The following SUMF1 variants were observed in gnomAD, a reference collection of about 807,000 sequenced individuals.
SUMF1 encodes the protein sulfatase modifying factor 1.
A neutral mutation model predicts 47.6 loss-of-function variants in SUMF1; 48 were observed. That is an observed-to-expected ratio of 1.01 (90% CI 0.80 to 1.28). SUMF1 has a LOEUF of 1.28. Among genes scored for constraint, SUMF1 ranks in the 50% most tolerant of loss-of-function variants. SUMF1 has a pLI of 0.00. For missense variants in SUMF1, 571 were observed against 485.4 expected, an observed-to-expected ratio of 1.18 and a Z score of -1.66; for synonymous variants, 230 against 192.1, an observed-to-expected ratio of 1.20 and a Z score of -1.63.
At chr3:4,176,545 A>G (rs1694968935) in intron 8 of SUMF1, among the ~76,000 whole-genome samples, 1 of 152,224 alleles carries the variant, frequency 6.6e-6, no homozygotes, top group African/African-American at 2.4e-5. Flanking sequence ...GAAGCACTAA[A>G]CATGGAAAGG....
At position 4,221,170 on chromosome 3, in the gene SUMF1, A is replaced by C. The variant is rs191042244; in HGVS notation, c.1015-152425T>G. On this transcript the variant is annotated intron_variant and NMD_transcript_variant, in intron 8 of 12. Coordinates refer to the SUMF1 transcript ENST00000448413. Reference sequence around the variant, plus strand: ...CTATAAATAATTTTCCACCTCTTTCATCCTCCTACCATTACACTCACCAAG... The same window carrying C: ...CTATAAATAATTTTCCACCTCTTTCCTCCTCCTACCATTACACTCACCAAG... 8.9e-3 allele frequency among the ~76,000 whole-genome samples: 1,354 copies of C among 152,160 alleles called. 13 individuals carry two copies. Among genetic ancestry groups the C allele is most frequent in the Non-Finnish European group, 0.012 (846 of 67,990 alleles).
At chr3:4,212,267 A>G (rs1027826888) in intron 8 of SUMF1, among the ~76,000 whole-genome samples, 1 of 152,162 alleles carries the variant, frequency 6.6e-6, no homozygotes, top group Non-Finnish European at 1.5e-5. Flanking sequence ...TGCAGCCTCC[A>G]CTGGTGATAC....
chr3:4,335,968 A>ACAAAAAACAAAC (rs1553558762), intron 8 of SUMF1, among the ~76,000 whole-genome samples: 1 of 146,926 alleles, frequency 6.8e-6, no homozygotes, highest in African/African-American at 2.5e-5. Flanking sequence ...CTCAAAAAAA[A>ACAAAAAACAAAC]AAAAAAAAAA....
At chr3:4,234,628 A>G (rs946132152) in intron 8 of SUMF1, among the ~76,000 whole-genome samples, 4 of 152,156 alleles carry the variant, frequency 2.6e-5, no homozygotes, top group African/African-American at 9.7e-5. Flanking sequence ...CTCCAAAAGA[A>G]GAAGTAAAAA....
intron 8 of SUMF1, among the ~76,000 whole-genome samples, chr3:4,076,991 G>A (rs544045256): frequency 7.9e-5 from 12 of 151,988 alleles, no homozygotes; most frequent in South Asian, 4.2e-4. Context: ...GCAACAGAGC[G>A]AGACTCCATC....
intron 8 of SUMF1, among the ~76,000 whole-genome samples, chr3:4,227,064 C>A (rs1696190062): frequency 6.6e-6 from 1 of 152,116 alleles, no homozygotes; most frequent in Non-Finnish European, 1.5e-5. Context: ...AGACACTACA[C>A]TCAAACAACC....
rs555864559 is a variant in SUMF1, at chr3:4,396,967, A to G, written c.954+13898T>C. On this transcript the variant is annotated intron_variant, in intron 7 of 8. Transcript: ENST00000272902. ...ACACAGAAGAAGCAACTATTAAGAG[A>G]AAACACATATCACATTAGATTTCTG... Among the ~76,000 whole-genome samples, 4 of 152,390 alleles carry G rather than the reference A, an allele frequency of 2.6e-5. No homozygotes were observed. The South Asian group carries it at 8.3e-4, about 32-fold the overall frequency.
rs1045841520 is a variant in SUMF1 at position 4,295,243 on chromosome 3, G to A, written c.1014+81087C>T. ...CAGGGGCCTATATAGTTGCAGGAACGTTGCATTATAAGAAGCAGAAAATTA... is the reference window on the plus strand; with the variant it reads ...CAGGGGCCTATATAGTTGCAGGAACATTGCATTATAAGAAGCAGAAAATTA... On this transcript the variant is annotated intron_variant and NMD_transcript_variant, in intron 8 of 12. Transcript: ENST00000448413. 7.9e-5 allele frequency among the ~76,000 whole-genome samples: 12 copies of A among 151,942 alleles called. No individual in the cohort carries two copies. In the East Asian group the frequency reaches 2.1e-3, roughly 27 times the overall value.
intron 3 of SUMF1, among the ~76,000 whole-genome samples, chr3:4,442,252 G>T (rs894730275): frequency 3.6e-5 from 5 of 140,242 alleles, no homozygotes; most frequent in African/African-American, 5.1e-5. Context: ...TGTGCACCAT[G>T]AACTCTTTTT....
intron 8 of SUMF1, among the ~76,000 whole-genome samples, chr3:4,190,801 G>C (rs1372190089): frequency 6.6e-6 from 1 of 152,030 alleles, no homozygotes; most frequent in Non-Finnish European, 1.5e-5. Context: ...TGCTTTCAGG[G>C]AGTTCACAGC....
chr3:4,114,698 G>A (rs897522178), intron 8 of SUMF1, among the ~76,000 whole-genome samples: 4 of 152,090 alleles, frequency 2.6e-5, no homozygotes, highest in Non-Finnish European at 5.9e-5. Flanking sequence ...ACACTGGGGA[G>A]TATGTTTAGC....
In SUMF1 at chr3:4,224,971, T is replaced by G. The variant is rs550480689; in HGVS notation, c.1014+151359A>C. Among the ~76,000 whole-genome samples the G allele has an allele frequency of 2.0e-5, 3 of 152,190 alleles. No individual in the cohort carries two copies. The South Asian group carries it at 6.2e-4, about 32-fold the overall frequency. ...ATCAACTCATTTTTTCTTAAGCTAG[T>G]TCAAATTGGGTTTGTCTTGGACAAT... is the stretch of plus-strand genomic sequence containing the variant. On this transcript the variant is annotated intron_variant and NMD_transcript_variant, in intron 8 of 12. Coordinates refer to the SUMF1 transcript ENST00000448413.
At chr3:4,207,561 C>G (rs181423669) in intron 8 of SUMF1, among the ~76,000 whole-genome samples, 10 of 152,150 alleles carry the variant, frequency 6.6e-5, no homozygotes, top group African/African-American at 2.2e-4. Context: ...CTATTGAGAT[C>G]ATTATATGGA....
chr3:4,243,399 A>G (rs1696589227), intron 8 of SUMF1, among the ~76,000 whole-genome samples: 1 of 152,206 alleles, frequency 6.6e-6, no homozygotes, highest in Non-Finnish European at 1.5e-5. Context: ...GTGGGCATTT[A>G]GTGCTATAAA....
chr3:4,417,252 G>T lies in SUMF1; in HGVS notation c.726-10C>A. 6.2e-7 allele frequency: 1 copy of T among 1,612,710 alleles called. No individual in the cohort carries two copies. The highest frequency in any genetic ancestry group is 1.1e-5 in the South Asian group (1 of 91,046). The stretch of plus-strand genomic sequence containing the variant: ...GCCCCAGGGGAAAAGTCTGTCAGAA[G>T]AGACACAGGCATCAGCCTGTCAAAC... On this transcript the variant is annotated splice_polypyrimidine_tract_variant and intron_variant, in intron 5 of 8. Transcript: ENST00000272902.
chr3:4,079,957 C>T (rs541496347), intron 8 of SUMF1, among the ~76,000 whole-genome samples: 11 of 151,822 alleles, frequency 7.2e-5, no homozygotes, highest in Non-Finnish European at 1.3e-4. Context: ...TCTGCCTCTC[C>T]CTGCGTGCAA....
intron 8 of SUMF1, among the ~76,000 whole-genome samples, chr3:4,284,968 C>T (rs182770614): frequency 1.2e-3 from 190 of 152,262 alleles, no homozygotes; most frequent in Non-Finnish European, 2.1e-3. Flanking sequence ...CTTTCACCCC[C>T]ATTTATAATA....
rs371483196 is a variant in SUMF1 at position 4,174,588 on chromosome 3, A to G, written c.1015-105843T>C. ...GGCGTTCCAAGATGGCCGAATAGGA[A>G]CAGCTCCAATCTGCAGCTCCCAGCA... On this transcript the variant is annotated intron_variant and NMD_transcript_variant, in intron 8 of 12. Coordinates refer to the SUMF1 transcript ENST00000448413. Among the ~76,000 whole-genome samples the G allele has an allele frequency of 7.2e-5, 11 of 152,080 alleles. No individual in the cohort carries two copies. In the East Asian group the frequency reaches 1.4e-3, roughly 19 times the overall value.
intron 8 of SUMF1, among the ~76,000 whole-genome samples, chr3:4,269,967 G>T (rs1249294473): frequency 6.6e-6 from 1 of 152,184 alleles, no homozygotes; most frequent in East Asian, 1.9e-4. Context: ...ATGATACCAT[G>T]TATTAAGTGA....
Sources: allele counts gnomAD v4.1 joint callset (sites outside exome capture counted in the v4.1 genomes callset), GRCh38; gene constraint gnomAD v4.1.1; transcripts MANE v1.5; gene names NCBI Gene and HGNC (gene_info 2026-07-23, HGNC 2026-07-21).